Variants in KIAA0319 observed in about 807,000 individuals in gnomAD.
The protein encoded by KIAA0319 is dyslexia-associated protein KIAA0319.
A neutral mutation model predicts 108.4 loss-of-function variants in KIAA0319; 83 were observed. That is an observed-to-expected ratio of 0.77 (90% CI 0.64 to 0.92). The LOEUF (loss-of-function observed/expected upper bound fraction) is 0.92, where lower values mean the gene tolerates loss of function less well. Among genes scored for constraint, KIAA0319 ranks in the 40% least tolerant of loss-of-function variants. The probability of loss-of-function intolerance (pLI) is 0.00; values close to 1 mark genes in which losing one functional copy is unlikely to be tolerated. For missense variants in KIAA0319, 1,195 were observed against 1,322.4 expected (o/e 0.90, Z 1.49); for synonymous variants, 484 against 510.4 (o/e 0.95, Z 0.70).
intron 5 of KIAA0319, among the ~76,000 whole-genome samples, chr6:24,582,591 T>C (rs1766755755): frequency 6.6e-6 from 1 of 151,560 alleles, no homozygotes; most frequent in Admixed American, 6.6e-5. Flanking sequence ...TGTATCTTCT[T>C]AATGTAACAT....
Position 24,547,300 on chromosome 6 carries a change from T to C in KIAA0319, c.3084A>G (p.Val1028=). Residue 1028 remains valine (V), a synonymous_variant, in exon 21 of 21, where the codon GTA becomes GTG. Coordinates refer to ENST00000378214, the MANE Select transcript of KIAA0319 (RefSeq NM_014809.4). The stretch of plus-strand genomic sequence containing the variant: ...GGTCACTGTCAAACTCAGACTCGGA[T>C]ACCATCAGGCTGGAGTTGTGCTCTG... ...RSTEHNSSLM[V]SESEFDSDQD... 2 of 1,614,170 alleles carry C rather than the reference T, an allele frequency of 1.2e-6. No individual in the cohort carries two copies. Among genetic ancestry groups the C allele is most frequent in the South Asian group, 1.1e-5 (1 of 91,088 alleles).
intron 1 of KIAA0319, among the ~76,000 whole-genome samples, chr6:24,624,203 G>GTTT (rs35622777): frequency 3.3e-4 from 31 of 92,800 alleles, no homozygotes; most frequent in Non-Finnish European, 4.3e-4. Context: ...TTTTGGGGTT[G>GTTT]TTTTTTTTTT....
At chr6:24,548,897 G>C (rs1191439539) in intron 20 of KIAA0319, among the ~76,000 whole-genome samples, 1 of 152,198 alleles carries the variant, frequency 6.6e-6, no homozygotes, top group Non-Finnish European at 1.5e-5. Context: ...ACGGACAGTA[G>C]ACATAGAGGT....
chr6:24,595,886 C>G lies in KIAA0319; in HGVS notation c.788G>C (p.Ser263Thr). ...ASQLQEQSSN[S>T]SGKEVLMPSH... Reference sequence around the variant, plus strand: ...GAACACACTCACCTCTTTTCCAGAGCTGTTGCTGGATTGTTCCTGGAGCTG... The same window carrying G: ...GAACACACTCACCTCTTTTCCAGAGGTGTTGCTGGATTGTTCCTGGAGCTG... Residue 263 changes from serine (S) to threonine (T), a missense_variant, in exon 3 of 21, where the codon AGC becomes ACC. Coordinates refer to ENST00000378214, the MANE Select transcript of KIAA0319 (RefSeq NM_014809.4). 1 of 1,601,666 alleles carries G rather than the reference C, an allele frequency of 6.2e-7. No homozygotes were observed. Among genetic ancestry groups the G allele is most frequent in the Non-Finnish European group, 8.5e-7 (1 of 1,173,408 alleles).
intron 1 of KIAA0319, among the ~76,000 whole-genome samples, chr6:24,630,360 T>C (rs1775359195): frequency 6.7e-6 from 1 of 150,012 alleles, no homozygotes; most frequent in Admixed American, 6.7e-5. Flanking sequence ...AATAAAAAAA[T>C]TAGCCAGGTA....
At chr6:24,636,646 G>T (rs1314283661) in intron 1 of KIAA0319, among the ~76,000 whole-genome samples, 1 of 152,056 alleles carries the variant, frequency 6.6e-6, no homozygotes, top group Non-Finnish European at 1.5e-5. Context: ...ATGACCCAAA[G>T]AAATCAACAG....
At chr6:24,564,561 C>T (rs1763636117) in intron 14 of KIAA0319, among the ~76,000 whole-genome samples, 1 of 152,196 alleles carries the variant, frequency 6.6e-6, no homozygotes, top group South Asian at 2.1e-4. Flanking sequence ...ACAGTATTTC[C>T]TGAACTGAAC....
chr6:24,574,467 C>T (rs1765182678), intron 10 of KIAA0319, among the ~76,000 whole-genome samples: 1 of 152,130 alleles, frequency 6.6e-6, no homozygotes, highest in African/African-American at 2.4e-5. Flanking sequence ...TTTTGTAAAA[C>T]TCTAAGTCAA....
chr6:24,566,473 T>C (rs1763911738), intron 14 of KIAA0319, 124 bp downstream of exon 14: 13 of 818,938 alleles, frequency 1.6e-5, no homozygotes, highest in Non-Finnish European at 2.2e-5. Context: ...AGTTCTGTTG[T>C]TTAAGCCTCC....
intron 4 of KIAA0319, among the ~76,000 whole-genome samples, chr6:24,587,278 T>TC (rs1767657998): frequency 6.7e-6 from 1 of 149,312 alleles, no homozygotes; most frequent in Non-Finnish European, 1.5e-5. Context: ...TTCTTTTTTT[T>TC]CCTTTTTTTT....
intron 1 of KIAA0319, among the ~76,000 whole-genome samples, chr6:24,609,842 T>A (rs538081050): frequency 2.0e-5 from 3 of 152,064 alleles, no homozygotes; most frequent in African/African-American, 7.2e-5. Flanking sequence ...GGGGAAAGAA[T>A]AGTCTTTTCA....
chr6:24,541,562 C>A (rs889364120), downstream of KIAA0319, among the ~76,000 whole-genome samples: 4 of 152,238 alleles, frequency 2.6e-5, no homozygotes, highest in African/African-American at 4.8e-5. Context: ...CTTTGGTAGG[C>A]CGAGGCTGGT....
intron 11 of KIAA0319, among the ~76,000 whole-genome samples, chr6:24,571,933 A>C (rs1250042287): frequency 6.6e-6 from 1 of 152,254 alleles, no homozygotes; most frequent in Non-Finnish European, 1.5e-5. Context: ...ACTTCTCCAT[A>C]AGCCCTGCAA....
chr6:24,588,682 T>C lies in KIAA0319; in HGVS notation c.905A>G (p.His302Arg). The part of the protein sequence containing the change: ...VLTVTPGSTE[H>R]SIPTPPTSAA... Reference sequence around the variant, plus strand: ...GCTAGTGGGAGGTGTTGGGATGCTGTGCTCTGTACTCCCCGGGGTGACTGT... The same window carrying C: ...GCTAGTGGGAGGTGTTGGGATGCTGCGCTCTGTACTCCCCGGGGTGACTGT... The change falls in exon 4 of 21, where the codon CAC becomes CGC. Residue 302 changes from histidine (H) to arginine (R), a missense_variant. His to Arg is a conservative substitution (Grantham distance 29). Coordinates refer to ENST00000378214, the MANE Select transcript of KIAA0319 (RefSeq NM_014809.4). 6.2e-7 allele frequency: 1 copy of C among 1,614,064 alleles called. No homozygotes were observed. The highest frequency in any genetic ancestry group is 8.5e-7 in the Non-Finnish European group (1 of 1,179,966).
chr6:24,638,855 T>C (rs1007709603), intron 1 of KIAA0319, among the ~76,000 whole-genome samples: 1 of 152,208 alleles, frequency 6.6e-6, no homozygotes, highest in African/African-American at 2.4e-5. Context: ...ATGGTAATTA[T>C]AGTTAACAAT....
chr6:24,594,540 T>A lies in KIAA0319; in HGVS notation c.801+1333A>T, dbSNP rs187673493. 2.9e-4 allele frequency among the ~76,000 whole-genome samples: 44 copies of A among 150,982 alleles called. No homozygotes were observed. The East Asian group carries it at 8.2e-3, about 28-fold the overall frequency. On this transcript the variant is annotated intron_variant, in intron 3 of 20. Coordinates refer to ENST00000378214, the MANE Select transcript of KIAA0319 (RefSeq NM_014809.4). ...TACTTGGAAGGCTGAGGCAGGAGAA[T>A]CGCTTGAACCCAGGAGGCAGAGGTT...
chr6:24,593,386 C>CTTTTTTT (rs58826962), intron 3 of KIAA0319, among the ~76,000 whole-genome samples: 3 of 79,358 alleles, frequency 3.8e-5, no homozygotes, highest in African/African-American at 9.4e-5. Context: ...GAATAATTAT[C>CTTTTTTT]TTTTTTTTTT....
chr6:24,592,776 AC>A (rs1768712863), intron 3 of KIAA0319, among the ~76,000 whole-genome samples: 1 of 152,094 alleles, frequency 6.6e-6, no homozygotes, highest in African/African-American at 2.4e-5. Context: ...TTTGAGACCA[AC>A]CTGGGCAACA....
At chr6:24,550,072 G>A (rs1451515806) in intron 20 of KIAA0319, among the ~76,000 whole-genome samples, 1 of 152,198 alleles carries the variant, frequency 6.6e-6, no homozygotes, top group Non-Finnish European at 1.5e-5. Context: ...AATGCAAATG[G>A]TGAGCACTCA....
Sources: allele counts gnomAD v4.1 joint callset (sites outside exome capture counted in the v4.1 genomes callset), GRCh38; gene constraint gnomAD v4.1.1; transcripts MANE v1.5; gene names NCBI Gene and HGNC (gene_info 2026-07-23, HGNC 2026-07-21).